Variants in QTMAN observed in about 807,000 individuals in gnomAD.
QTMAN encodes queuosine-tRNA mannosyltransferase, also known as tRNA-queuosine alpha-mannosyltransferase.
the QTMAN span, chr2:144,006,706 T>C: frequency 8.6e-4 from 131 of 152,828 alleles, no homozygotes; most frequent in African/African-American, 3.0e-3. Context: ...AAGGGAATGG[T>C]TTCAAATGTA....
At chr2:143,968,569 G>A in the QTMAN span, among the ~76,000 whole-genome samples, 1 of 152,152 alleles carries the variant, frequency 6.6e-6, no homozygotes, top group Non-Finnish European at 1.5e-5. Context: ...AGGCTTTTGA[G>A]TAAAAACCGA....
At chr2:144,035,606 G>GT in the QTMAN span, among the ~76,000 whole-genome samples, 2 of 152,036 alleles carry the variant, frequency 1.3e-5, no homozygotes, top group Non-Finnish European at 2.9e-5. Flanking sequence ...AAAAAAAATG[G>GT]TTATCAATTC....
chr2:144,145,128 AG>A, the QTMAN span, among the ~76,000 whole-genome samples: 100 of 149,808 alleles, frequency 6.7e-4, no homozygotes, highest in Non-Finnish European at 3.3e-4. Context: ...AAAAAAAAAA[AG>A]GCGGGGGAGA....
the QTMAN span, among the ~76,000 whole-genome samples, chr2:144,035,177 C>T: frequency 6.6e-6 from 1 of 152,146 alleles, no homozygotes; most frequent in Non-Finnish European, 1.5e-5. Flanking sequence ...GTCGTCTCCC[C>T]TGCCCTCTTC....
chr2:144,217,744 A>AG, the QTMAN span, among the ~76,000 whole-genome samples: 1 of 151,948 alleles, frequency 6.6e-6, no homozygotes, highest in East Asian at 1.9e-4. Context: ...CTAGGACTGG[A>AG]GGGGGAAAAA....
chr2:144,083,973 C>T, the QTMAN span, among the ~76,000 whole-genome samples: 1 of 152,108 alleles, frequency 6.6e-6, no homozygotes, highest in Non-Finnish European at 1.5e-5. Context: ...GCTTGTTATG[C>T]TTTTATTTTT....
the QTMAN span, among the ~76,000 whole-genome samples, chr2:144,308,848 C>T: frequency 6.6e-6 from 1 of 152,114 alleles, no homozygotes; most frequent in East Asian, 1.9e-4. Flanking sequence ...TACACTTACT[C>T]TACAGACCAA....
the QTMAN span, among the ~76,000 whole-genome samples, chr2:144,169,310 A>G: frequency 6.6e-6 from 1 of 152,178 alleles, no homozygotes; most frequent in Admixed American, 6.5e-5. Context: ...TTTATTTTCT[A>G]CTATGGAAAT....
the QTMAN span, among the ~76,000 whole-genome samples, chr2:144,185,276 A>G: frequency 2.0e-5 from 3 of 152,188 alleles, no homozygotes; most frequent in African/African-American, 7.2e-5. Context: ...CCAAAACCTT[A>G]TAGCTACTAA....
chr2:144,312,966 T>G, the QTMAN span, among the ~76,000 whole-genome samples: 2 of 32,034 alleles, frequency 6.2e-5, no homozygotes, highest in African/African-American at 2.7e-4. Flanking sequence ...TATTTCTTTA[T>G]AGCAGTGTGA....
the QTMAN span, among the ~76,000 whole-genome samples, chr2:144,166,248 C>T: frequency 6.6e-6 from 1 of 152,054 alleles, no homozygotes; most frequent in Non-Finnish European, 1.5e-5. Flanking sequence ...TTCCATGCTC[C>T]CTTCCCTCAA....
chr2:144,079,082 A>G, the QTMAN span, among the ~76,000 whole-genome samples: 1 of 152,160 alleles, frequency 6.6e-6, no homozygotes, highest in Non-Finnish European at 1.5e-5. Flanking sequence ...CTGTTTGGTT[A>G]TAATTCACTT....
the QTMAN span, among the ~76,000 whole-genome samples, chr2:144,169,590 T>A: frequency 6.6e-6 from 1 of 152,152 alleles, no homozygotes; most frequent in Non-Finnish European, 1.5e-5. Flanking sequence ...CAAATGGATT[T>A]TCCTTACATT....
the QTMAN span, among the ~76,000 whole-genome samples, chr2:144,290,421 C>T: frequency 6.6e-6 from 1 of 152,200 alleles, no homozygotes; most frequent in Non-Finnish European, 1.5e-5. Context: ...AATGCCTGGA[C>T]CATTCCACAA....
the QTMAN span, among the ~76,000 whole-genome samples, chr2:144,147,279 T>C: frequency 6.6e-6 from 1 of 151,646 alleles, no homozygotes; most frequent in African/African-American, 2.4e-5. Context: ...AAAAAAATCT[T>C]ACCAAGGAGA....
the QTMAN span, among the ~76,000 whole-genome samples, chr2:143,960,001 C>A: frequency 6.6e-6 from 1 of 151,862 alleles, no homozygotes; most frequent in East Asian, 1.9e-4. Flanking sequence ...CATCAGAGTG[C>A]GTCAAATGTA....
the QTMAN span, among the ~76,000 whole-genome samples, chr2:144,108,591 TCTCGCCA>T: frequency 6.9e-6 from 1 of 144,992 alleles, no homozygotes; most frequent in Non-Finnish European, 1.5e-5. Context: ...TGAGCCGAGA[TCTCGCCA>T]CTGCCCTCCA....
At chr2:144,242,502 T>C in the QTMAN span, among the ~76,000 whole-genome samples, 1 of 152,294 alleles carries the variant, frequency 6.6e-6, no homozygotes, top group South Asian at 2.1e-4. Flanking sequence ...TCAGGGCACA[T>C]GGAGCAGCTT....
the QTMAN span, among the ~76,000 whole-genome samples, chr2:143,974,539 AAT>A: frequency 6.6e-6 from 1 of 152,204 alleles, no homozygotes; most frequent in African/African-American, 2.4e-5. Flanking sequence ...GAAGTAGAAA[AAT>A]ATTCAAGAAA....
Sources: gnomAD v4.1 joint callset for allele counts (sites outside exome capture counted in the v4.1 genomes callset) on GRCh38, gnomAD v4.1.1 for gene constraint, MANE v1.5 for transcripts, NCBI Gene and HGNC (gene_info 2026-07-23, HGNC 2026-07-21) for gene names.